Variants in MYO7B observed in about 807,000 individuals in gnomAD.
The protein encoded by MYO7B is unconventional myosin-VIIb.
A neutral mutation model predicts 259.7 loss-of-function variants in MYO7B; 212 were observed. The ratio of observed to expected loss-of-function variants is 0.82; its 90% CI spans 0.73 to 0.91. MYO7B has a LOEUF of 0.91. Among genes scored for constraint, MYO7B ranks in the 40% least tolerant of loss-of-function variants. MYO7B has a pLI of 0.00. For missense variants in MYO7B, 2,732 were observed against 2,813.5 expected (o/e 0.97, Z 0.66); for synonymous variants, 1,197 against 1,166.4 (o/e 1.03, Z -0.54).
At chr2:127,600,070 G>C (rs546704514) in intron 19 of MYO7B, among the ~76,000 whole-genome samples, 3 of 152,114 alleles carry the variant, frequency 2.0e-5, no homozygotes, top group African/African-American at 4.8e-5. Flanking sequence ...GTGTAGAATT[G>C]ACGTGAATTT....
In MYO7B at chr2:127,574,003, G is replaced by T. The variant is rs557534259; in HGVS notation, c.676G>T (p.Val226Leu). The T allele has an allele frequency of 5.0e-6, 8 of 1,614,066 alleles. No homozygotes were observed. The South Asian group carries it at 6.6e-5, about 13-fold the overall frequency. The change falls in exon 7 of 48, where the codon GTG (valine) becomes TTG (leucine). Residue 226 changes from valine (V) to leucine (L), a missense_variant. Transcript: ENST00000409816. ...TGACATCTACTTTAACCCCAGCGGG[G>T]TGATCGAGGGCGCGCGCATCGAGCA... is the stretch of plus-strand genomic sequence containing the variant. Reference protein sequence around the residue: ...YIDIYFNPSGVIEGARIEQFL... With the variant: ...YIDIYFNPSGLIEGARIEQFL...
intron 26 of MYO7B, among the ~76,000 whole-genome samples, chr2:127,617,459 C>T (rs1459589798): frequency 6.8e-6 from 1 of 147,546 alleles, no homozygotes; most frequent in Non-Finnish European, 1.5e-5. Context: ...AAGCACTGAC[C>T]TTATGCTGCC....
chr2:127,584,249 G>C lies in MYO7B; in HGVS notation c.1471G>C (p.Asp491His), dbSNP rs200427535. Residue 491 changes from aspartate to histidine, a missense_variant, in exon 13 of 48, where the codon GAC becomes CAC. By Grantham distance (81) the Asp-to-His change is moderately conservative (BLOSUM62 -1). Around this residue, in one of 3 missense-constraint regions of MYO7B, gnomAD observed 1,906 missense variants for 2,026.4 expected, o/e 0.94. Transcript: ENST00000409816. This position sits in a 1 kb window ranked among gnomAD's most constrained non-coding sequence, Gnocchi z 5.8. ...CTCCTGGGACTATATCCACTACACCGACAATCGGCCCACCCTGGACCTGCT... is the reference window on the plus strand; with the variant it reads ...CTCCTGGGACTATATCCACTACACCCACAATCGGCCCACCCTGGACCTGCT... ...NISWDYIHYT[D>H]NRPTLDLLAL... 8.7e-6 allele frequency: 14 copies of C among 1,613,992 alleles called. No individual in the cohort carries two copies. Among genetic ancestry groups the C allele is most frequent in the Non-Finnish European group, 1.1e-5 (13 of 1,179,892 alleles).
rs1204839342 is a variant in MYO7B at position 127,592,892 on chromosome 2, C to T, written c.2091C>T (p.Phe697=). Reference sequence around the variant, plus strand: ...CGGGCTTCCCCATCCGCTACACGTTCGAGGAGTTCTCGCAGAGGTTCGGCG... The same window carrying T: ...CGGGCTTCCCCATCCGCTACACGTTTGAGGAGTTCTCGCAGAGGTTCGGCG... ...RKSGFPIRYT[F]EEFSQRFGVL... The change falls in exon 17 of 48, where the codon TTC becomes TTT. Residue 697 remains phenylalanine (F), a synonymous_variant. Coordinates refer to ENST00000409816, the MANE Select transcript of MYO7B (RefSeq NM_001393586.1). 1.2e-6 allele frequency: 2 copies of T among 1,608,748 alleles called. No individual in the cohort carries two copies. The highest frequency in any genetic ancestry group is 1.1e-5 in the South Asian group (1 of 89,876).
rs555605201 is a variant in MYO7B at position 127,567,866 on chromosome 2, A to C, written c.470+1039A>C. Among the ~76,000 whole-genome samples the C allele has an allele frequency of 2.0e-5, 3 of 152,256 alleles. No homozygotes were observed. In the East Asian group the frequency reaches 5.8e-4, roughly 29 times the overall value. ...TATGTAGGTCCTAACAGCTTTGAAG[A>C]AAAACACAGCAGGGGAGAGGAAAGG... On this transcript the variant is annotated intron_variant, in intron 5 of 47. Coordinates refer to ENST00000409816, the MANE Select transcript of MYO7B (RefSeq NM_001393586.1).
intron 1 of MYO7B, among the ~76,000 whole-genome samples, chr2:127,543,145 T>G (rs186602816): frequency 6.6e-6 from 1 of 152,154 alleles, no homozygotes; most frequent in South Asian, 2.1e-4. Flanking sequence ...GGCTGGGGGA[T>G]GATCAGGTCT....
At chr2:127,549,122 CTTCTTTCTCTCT>C (rs939848676) in intron 1 of MYO7B, among the ~76,000 whole-genome samples, 1 of 149,262 alleles carries the variant, frequency 6.7e-6, no homozygotes, top group Non-Finnish European at 1.5e-5. Context: ...CCAACTCTCT[CTTCTTTCTCTCT>C]TTCTTTCTTC....
chr2:127,608,985 G>A, intron 22 of MYO7B, 107 bp downstream of exon 22: 3 of 1,405,676 alleles, frequency 2.1e-6, no homozygotes, highest in Non-Finnish European at 2.9e-6. Context: ...CAGAGCGGTG[G>A]CCAAGTGTGT....
chr2:127,629,939 GCCAGGAGGGCCACCCGGGCAGCCCCCAC>G lies in MYO7B; in HGVS notation c.4806+115_4806+142del, dbSNP rs1475617813. 2.6e-6 allele frequency: 3 copies of G among 1,159,768 alleles called. No homozygotes were observed. In the African/African-American group the frequency reaches 4.8e-5, roughly 19 times the overall value. The allele number at this position is 1,159,768 out of a possible 1,614,324, so 71.8% of individuals were successfully genotyped here. On this transcript the variant is annotated intron_variant, in intron 35 of 47. Transcript: ENST00000409816. The stretch of plus-strand genomic sequence containing the variant: ...AGGGCCTGCAGCCCACCTAGCAGAG[GCCAGGAGGGCCACCCGGGCAGCCCCCAC>G]CATTCCTGCGGCAAGGTGTGTGTGC...
At chr2:127,624,526 C>G (rs1681010081) in intron 30 of MYO7B, among the ~76,000 whole-genome samples, 1 of 152,252 alleles carries the variant, frequency 6.6e-6, no homozygotes, top group Admixed American at 6.5e-5. Flanking sequence ...GTCCGTGGTT[C>G]TGGCAGCAGG....
In MYO7B at chr2:127,611,223, A is replaced by G. The variant is rs1435535230; in HGVS notation, c.3193-1027A>G. ...TGGCTTCCCTCAACATGAGTGATCCAAGAAGAAAAGCAAGAAGGAAAGTGC... is the reference window on the plus strand; with the variant it reads ...TGGCTTCCCTCAACATGAGTGATCCGAGAAGAAAAGCAAGAAGGAAAGTGC... On this transcript the variant is annotated intron_variant, in intron 24 of 47. Coordinates refer to ENST00000409816, the MANE Select transcript of MYO7B (RefSeq NM_001393586.1). This position sits in a 1 kb window ranked among gnomAD's most constrained non-coding sequence, Gnocchi z 5.4. Among the ~76,000 whole-genome samples, 3 of 152,232 alleles carry G rather than the reference A, an allele frequency of 2.0e-5. No homozygotes were observed. The highest frequency in any genetic ancestry group is 7.2e-5 in the African/African-American group (3 of 41,462).
intron 1 of MYO7B, among the ~76,000 whole-genome samples, chr2:127,545,889 C>A (rs1693209349): frequency 6.6e-6 from 1 of 152,190 alleles, no homozygotes; most frequent in Admixed American, 6.5e-5. Flanking sequence ...TTTATAGTGA[C>A]CTTTCTGGGG....
intron 3 of MYO7B, among the ~76,000 whole-genome samples, chr2:127,564,539 G>C (rs1366335174): frequency 6.6e-6 from 1 of 152,208 alleles, no homozygotes; most frequent in African/African-American, 2.4e-5. Context: ...ACGGGCAAGG[G>C]GGAAAGGTGG....
At chr2:127,536,602 A>T (rs1055137177) in intron 1 of MYO7B, among the ~76,000 whole-genome samples, 1 of 152,002 alleles carries the variant, frequency 6.6e-6, no homozygotes, top group Non-Finnish European at 1.5e-5. Context: ...AGACACAGAG[A>T]TTGTGAGAGC....
At chr2:127,596,632 C>A (rs1215766882) in intron 19 of MYO7B, 76 bp downstream of exon 19, 18 of 1,247,342 alleles carry the variant, frequency 1.4e-5, no homozygotes, top group Non-Finnish European at 1.8e-5. Context: ...AGCCCACAAA[C>A]CAGGATCACA....
At chr2:127,637,055 G>A (rs1681871560) in intron 47 of MYO7B, 142 bp downstream of exon 47, 8 of 1,401,502 alleles carry the variant, frequency 5.7e-6, no homozygotes, top group East Asian at 2.5e-5. Flanking sequence ...TCTGGAGAGG[G>A]CCTGGGTGCA....
At chr2:127,620,213 C>T (rs541604304) in intron 26 of MYO7B, 127 bp from the exon 27 acceptor site, 31 of 1,144,122 alleles carry the variant, frequency 2.7e-5, no homozygotes, top group East Asian at 2.6e-4. Flanking sequence ...GGCAGGGCCC[C>T]GGCGCTGGAG....
chr2:127,561,549 T>G lies in MYO7B; in HGVS notation c.18+1809T>G, dbSNP rs977726021. On this transcript the variant is annotated intron_variant, in intron 2 of 47. Coordinates refer to ENST00000409816, the MANE Select transcript of MYO7B (RefSeq NM_001393586.1). The stretch of plus-strand genomic sequence containing the variant: ...AAGTGCAGAGTGGTCATGTTTTTAA[T>G]GAATAAGTCTTTCAGAGGGCCCATG... Among the ~76,000 whole-genome samples, 3 of 152,166 alleles carry G rather than the reference T, an allele frequency of 2.0e-5. No individual in the cohort carries two copies. The South Asian group carries it at 6.2e-4, about 31-fold the overall frequency.
At chr2:127,572,416 C>CAA (rs34864324) in intron 6 of MYO7B, among the ~76,000 whole-genome samples, 2,369 of 78,774 alleles carry the variant, frequency 0.03, 561 homozygotes, top group African/African-American at 0.087. Context: ...GAGACTGTCT[C>CAA]AAAAAAAAAA....
Sources: allele counts gnomAD v4.1 joint callset (sites outside exome capture counted in the v4.1 genomes callset), GRCh38; gene constraint gnomAD v4.1.1; regional missense constraint gnomAD v4.1.1; non-coding constraint Gnocchi (gnomAD v3.1); transcripts MANE v1.5; gene names NCBI Gene and HGNC (gene_info 2026-07-23, HGNC 2026-07-21).